DTWD2: variants seen among roughly 807,000 people sequenced by gnomAD.
DTWD2 encodes tRNA-uridine aminocarboxypropyltransferase 2.
In DTWD2, 39 loss-of-function variants were observed where a neutral mutation model predicts 31.8. The observed-to-expected ratio is 1.22, with a 90% CI of 0.95 to 1.60. The LOEUF (loss-of-function observed/expected upper bound fraction) is 1.60, where lower values mean the gene tolerates loss of function less well. Among genes scored for constraint, DTWD2 ranks in the 40% most tolerant of loss-of-function variants. The pLI is 0.00. For synonymous variants in DTWD2, 180 were observed against 142.8 expected, an observed-to-expected ratio of 1.26 and a Z score of -1.86; for missense variants, 515 against 381.5, an observed-to-expected ratio of 1.35 and a Z score of -2.92.
chr5:118,930,190 A>G (rs1753891475), intron 3 of DTWD2, among the ~76,000 whole-genome samples: 1 of 152,174 alleles, frequency 6.6e-6, no homozygotes, highest in Non-Finnish European at 1.5e-5. Context: ...GTGAAGAGGA[A>G]CGTTCCCCTT....
intron 1 of DTWD2, among the ~76,000 whole-genome samples, chr5:118,966,440 A>G (rs893859629): frequency 8.5e-5 from 13 of 152,212 alleles, no homozygotes; most frequent in African/African-American, 3.1e-4. Flanking sequence ...TATATTTTTA[A>G]GAAGCATTGA....
At chr5:118,974,997 G>A (rs1755117332) in intron 1 of DTWD2, among the ~76,000 whole-genome samples, 1 of 152,148 alleles carries the variant, frequency 6.6e-6, no homozygotes, top group African/African-American at 2.4e-5. Context: ...TGATGATTAT[G>A]TGTCTTGGGG....
intron 1 of DTWD2, among the ~76,000 whole-genome samples, chr5:118,966,487 GT>G (rs1242114496): frequency 6.6e-6 from 1 of 152,036 alleles, no homozygotes; most frequent in Non-Finnish European, 1.5e-5. Flanking sequence ...ACAATCTGTG[GT>G]TTTTAGATCT....
At position 118,967,454 on chromosome 5, in the gene DTWD2, T is replaced by G. The variant is rs187315580; in HGVS notation, c.218+20840A>C. Among the ~76,000 whole-genome samples the G allele has an allele frequency of 2.6e-5, 4 of 152,262 alleles. No homozygotes were observed. In the East Asian group the frequency reaches 7.7e-4, roughly 29 times the overall value. ...AACCAGGGCTTCCTGAAAAAGTGGT[T>G]GATTCTAGGGCTGGGGCAGGGAAAA... On this transcript the variant is annotated intron_variant, in intron 1 of 5. Transcript: ENST00000510708.
intron 4 of DTWD2, among the ~76,000 whole-genome samples, chr5:118,914,864 G>A (rs1418071407): frequency 1.3e-5 from 2 of 152,124 alleles, no homozygotes; most frequent in Non-Finnish European, 2.9e-5. Context: ...AGCATCCTGG[G>A]TGATGAATAC....
chr5:118,845,145 G>GGAAAAGAAAAAGA (rs1254884591), intron 5 of DTWD2, among the ~76,000 whole-genome samples: 1 of 151,558 alleles, frequency 6.6e-6, no homozygotes, highest in African/African-American at 2.4e-5. Flanking sequence ...AGACTCTGTT[G>GGAAAAGAAAAAGA]GAAAAGAAAA....
intron 4 of DTWD2, among the ~76,000 whole-genome samples, chr5:118,883,322 G>A (rs1227999370): frequency 6.6e-6 from 1 of 152,148 alleles, no homozygotes; most frequent in Non-Finnish European, 1.5e-5. Flanking sequence ...CATTCAACAA[G>A]TCTCTAGGAA....
intron 4 of DTWD2, among the ~76,000 whole-genome samples, chr5:118,913,770 CATG>C (rs2149571925): frequency 6.6e-6 from 1 of 152,012 alleles, no homozygotes; most frequent in African/African-American, 2.4e-5. Flanking sequence ...AACTGGCAAA[CATG>C]ATTATAAAAC....
chr5:118,941,531 G>C (rs1243115634), intron 2 of DTWD2, among the ~76,000 whole-genome samples: 1 of 152,306 alleles, frequency 6.6e-6, no homozygotes, highest in Non-Finnish European at 1.5e-5. Flanking sequence ...TGGCTGCATA[G>C]TATTCCATGG....
intron 4 of DTWD2, among the ~76,000 whole-genome samples, chr5:118,867,636 C>T (rs1488539127): frequency 2.6e-5 from 4 of 152,104 alleles, no homozygotes; most frequent in African/African-American, 2.4e-5. Context: ...ATCAGGTTGT[C>T]GGACTGAGCC....
intron 4 of DTWD2, among the ~76,000 whole-genome samples, chr5:118,853,862 C>T (rs1242709426): frequency 2.6e-5 from 4 of 152,004 alleles, no homozygotes; most frequent in African/African-American, 7.3e-5. Flanking sequence ...TCTGAATCTA[C>T]GAAGTTAAAA....
intron 4 of DTWD2, among the ~76,000 whole-genome samples, chr5:118,895,637 T>C (rs1160704300): frequency 6.6e-6 from 1 of 152,092 alleles, no homozygotes; most frequent in African/African-American, 2.4e-5. Flanking sequence ...GCAACCAAAA[T>C]AGTATGGCAC....
intron 4 of DTWD2, among the ~76,000 whole-genome samples, chr5:118,883,397 T>C (rs534059985): frequency 6.6e-6 from 1 of 152,352 alleles, no homozygotes; most frequent in South Asian, 2.1e-4. Context: ...AACCTCTGCC[T>C]GTTACCAAAT....
chr5:118,896,510 A>G (rs1469977840), intron 4 of DTWD2, among the ~76,000 whole-genome samples: 1 of 152,216 alleles, frequency 6.6e-6, no homozygotes, highest in African/African-American at 2.4e-5. Context: ...AGAGCCAAAA[A>G]AAGATGTAAC....
intron 2 of DTWD2, among the ~76,000 whole-genome samples, chr5:118,943,693 G>GT (rs1754262546): frequency 6.6e-6 from 1 of 152,152 alleles, no homozygotes; most frequent in Non-Finnish European, 1.5e-5. Context: ...AGCTGAGATT[G>GT]TACCACTGTA....
At chr5:118,973,732 C>T in intron 1 of DTWD2, 1 of 1,591,222 alleles carries the variant, frequency 6.3e-7, no homozygotes. Flanking sequence ...AGCTTTATCG[C>T]CAGAGTCCCT....
intron 4 of DTWD2, among the ~76,000 whole-genome samples, chr5:118,862,123 A>G (rs1327296854): frequency 6.6e-6 from 1 of 152,230 alleles, no homozygotes; most frequent in Admixed American, 6.5e-5. Flanking sequence ...CCTATCATGA[A>G]TTGCACATGA....
chr5:118,878,476 T>G (rs190101349), intron 4 of DTWD2, among the ~76,000 whole-genome samples: 19 of 152,308 alleles, frequency 1.2e-4, no homozygotes, highest in African/African-American at 4.6e-4. Context: ...AGATTGATAC[T>G]GGACCCCTTC....
chr5:118,868,816 G>A (rs1042990732), intron 4 of DTWD2, among the ~76,000 whole-genome samples: 1 of 138,498 alleles, frequency 7.2e-6, no homozygotes, highest in African/African-American at 2.7e-5. Context: ...CAGCCTGAAT[G>A]AGAGATCAAG....
Sources: allele counts gnomAD v4.1 joint callset (sites outside exome capture counted in the v4.1 genomes callset), GRCh38; gene constraint gnomAD v4.1.1; transcripts MANE v1.5; gene names NCBI Gene and HGNC (gene_info 2026-07-23, HGNC 2026-07-21).